The following DDHD1 variants were observed in gnomAD, a reference collection of about 807,000 sequenced individuals.
DDHD1 encodes the protein phospholipase DDHD1.
Under a neutral mutation model 96.4 loss-of-function variants are expected in DDHD1, and 49 were observed. The ratio of observed to expected loss-of-function variants is 0.51; its 90% confidence interval spans 0.40 to 0.64. The LOEUF is 0.64. Among genes scored for constraint, DDHD1 ranks in the 30% least tolerant of loss-of-function variants. The pLI is 0.00. For synonymous variants in DDHD1, 442 were observed against 446.5 expected, an observed-to-expected ratio of 0.99 and a Z score of 0.13; for missense variants, 1,106 against 1,161.2, an observed-to-expected ratio of 0.95 and a Z score of 0.69.
chr14:53,071,703 T>G (rs1277958108), intron 6 of DDHD1, among the ~76,000 whole-genome samples: 2 of 152,114 alleles, frequency 1.3e-5, no homozygotes, highest in African/African-American at 4.8e-5. Context: ...TCCCTGCTAA[T>G]GAAGGGTAAC....
At position 53,073,853 on chromosome 14, in the gene DDHD1, AAAAC is replaced by A. The variant is rs1293015219; in HGVS notation, c.1290-10_1290-7del. On this transcript the variant is annotated splice_region_variant and splice_polypyrimidine_tract_variant and intron_variant, in intron 4 of 12. Transcript: ENST00000673822. ...TTCTTGCAGCTTCTCTCATCCTAAA[AAAAC>A]AAACAAACAAAAATGCAAACAAAGC... 1.4e-5 allele frequency: 23 copies of A among 1,606,212 alleles called. No homozygotes were observed. The highest frequency in any genetic ancestry group is 4.0e-5 in the African/African-American group (3 of 74,498).
Position 53,036,889 on chromosome 14 carries a change from G to A in DDHD1, c.*9879C>T, listed in dbSNP as rs559709589. Reference sequence around the variant, plus strand: ...ACAGATCCCATCACCCAGGTAGTGAGCATAGTACCCAATAGGTAGTTTTTC... The same window carrying A: ...ACAGATCCCATCACCCAGGTAGTGAACATAGTACCCAATAGGTAGTTTTTC... On this transcript the variant is annotated 3_prime_UTR_variant, in exon 13 of 13. Transcript: ENST00000673822. The A allele has an allele frequency of 6.6e-6, 1 of 152,250 alleles. No individual in the cohort carries two copies. The highest frequency in any genetic ancestry group is 1.5e-5 in the Non-Finnish European group (1 of 68,024). 9.4% of individuals were successfully genotyped at this position (152,250 alleles called of 1,614,324 possible). A position where few individuals can be genotyped will look rare whatever the true frequency, so the allele number is the denominator to read the frequency against.
rs1234677237 is a variant in DDHD1, at chr14:53,089,029, AG to A, written c.1289+2755del. ...ACAAGCATTCTTATAAACCAATAAC[AG>A]ACAGAGACAAATCATGAGTGAACTC... On this transcript the variant is annotated intron_variant, in intron 4 of 12. Coordinates refer to ENST00000673822, the MANE Select transcript of DDHD1 (RefSeq NM_001160148.2). 2.6e-5 allele frequency among the ~76,000 whole-genome samples: 4 copies of A among 152,308 alleles called. No individual in the cohort carries two copies. In the East Asian group the frequency reaches 7.7e-4, roughly 29 times the overall value.
chr14:53,064,107 G>A (rs1398695780), intron 6 of DDHD1, among the ~76,000 whole-genome samples: 1 of 151,972 alleles, frequency 6.6e-6, no homozygotes, highest in African/African-American at 2.4e-5. Context: ...ATAGTTTCAG[G>A]AATATGCAGT....
chr14:53,152,112 C>CGAGAA, intron 1 of DDHD1, 149 bp downstream of exon 1: 10 of 835,492 alleles, frequency 1.2e-5, no homozygotes, highest in Admixed American at 6.3e-5. Context: ...CAGCTGCCGA[C>CGAGAA]GCTCCCTGCT....
Position 53,046,852 on chromosome 14 carries a change from G to C in DDHD1, c.2619C>G (p.Ser873=). The stretch of plus-strand genomic sequence containing the variant: ...TTAAAAGAAAAAGGGCAACATCCAA[G>C]GATGACCAATAGGCAGTATGCGACG... ...AVTSHTAYWS[S]LDVALFLLTF... is the part of the protein sequence containing the mutation. Residue 873 remains serine, a synonymous_variant, in exon 13 of 13, where the codon TCC becomes TCG. Transcript: ENST00000673822. 6.8e-6 allele frequency: 11 copies of C among 1,613,606 alleles called. No individual in the cohort carries two copies. The highest frequency in any genetic ancestry group is 9.3e-6 in the Non-Finnish European group (11 of 1,179,750).
At chr14:53,143,331 C>T (rs1890764945) in intron 1 of DDHD1, among the ~76,000 whole-genome samples, 1 of 152,182 alleles carries the variant, frequency 6.6e-6, no homozygotes, top group Admixed American at 6.5e-5. Context: ...AAAACAAATG[C>T]TGTAAACCAT....
intron 1 of DDHD1, among the ~76,000 whole-genome samples, chr14:53,125,567 T>G (rs1889364085): frequency 6.6e-6 from 1 of 152,240 alleles, no homozygotes; most frequent in South Asian, 2.1e-4. Flanking sequence ...TAGTTGAAAC[T>G]TTTAATATCA....
rs1366217310 is a variant in DDHD1 at position 53,041,171 on chromosome 14, A to G, written c.*5597T>C. The G allele has an allele frequency of 6.6e-6, 1 of 152,182 alleles. No individual in the cohort carries two copies. Among genetic ancestry groups the G allele is most frequent in the Non-Finnish European group, 1.5e-5 (1 of 68,040 alleles). 9.4% of individuals were successfully genotyped at this position (152,182 alleles called of 1,614,324 possible). A position where few individuals can be genotyped will look rare whatever the true frequency, so the allele number is the denominator to read the frequency against. ...TACTTGTTTTTCATCTTACTCCAACAGAAGACCAGATGTAATCTTCCTAAA... is the reference window on the plus strand; with the variant it reads ...TACTTGTTTTTCATCTTACTCCAACGGAAGACCAGATGTAATCTTCCTAAA... On this transcript the variant is annotated 3_prime_UTR_variant, in exon 13 of 13. Coordinates refer to ENST00000673822, the MANE Select transcript of DDHD1 (RefSeq NM_001160148.2).
intron 12 of DDHD1, 87 bp downstream of exon 12, chr14:53,051,757 A>AACTGATC (rs1882591053): frequency 3.7e-6 from 4 of 1,068,404 alleles, no homozygotes; most frequent in African/African-American, 1.6e-5. Context: ...CTCATAGAAG[A>AACTGATC]ACTGATCCAA....
In DDHD1 at chr14:53,079,012, T is replaced by C. The variant is rs562785336; in HGVS notation, c.1290-5165A>G. 1.9e-4 allele frequency among the ~76,000 whole-genome samples: 29 copies of C among 149,962 alleles called. No homozygotes were observed. In the East Asian group the frequency reaches 5.3e-3, roughly 27 times the overall value. On this transcript the variant is annotated intron_variant, in intron 4 of 12. Transcript: ENST00000673822. ...TACACATGTGGTGGATTACCTTGATTAAAAAAAAAATGTTGACCCAATCTT... is the reference window on the plus strand; with the variant it reads ...TACACATGTGGTGGATTACCTTGATCAAAAAAAAAATGTTGACCCAATCTT...
At chr14:53,073,159 T>C (rs1490985639) in intron 5 of DDHD1, among the ~76,000 whole-genome samples, 1 of 152,062 alleles carries the variant, frequency 6.6e-6, no homozygotes, top group Non-Finnish European at 1.5e-5. Context: ...TTAACAGACA[T>C]AACTTTGTGT....
rs545697453 is a variant in DDHD1, at chr14:53,046,145, G to A, written c.*623C>T. On this transcript the variant is annotated 3_prime_UTR_variant, in exon 13 of 13. Transcript: ENST00000673822. ...GTTTATCACTATAGAAAATAAATCT[G>A]GTTCTTAAATTATGTTCAAAGCAAA... The A allele has an allele frequency of 2.0e-5, 3 of 152,184 alleles. No homozygotes were observed. Among genetic ancestry groups the A allele is most frequent in the African/African-American group, 7.2e-5 (3 of 41,536 alleles). 9.4% of individuals were successfully genotyped at this position (152,184 alleles called of 1,614,324 possible). A position where few individuals can be genotyped will look rare whatever the true frequency, so the allele number is the denominator to read the frequency against.
At chr14:53,108,239 G>A (rs1022197692) in intron 1 of DDHD1, among the ~76,000 whole-genome samples, 4 of 152,170 alleles carry the variant, frequency 2.6e-5, no homozygotes, top group African/African-American at 9.7e-5. Flanking sequence ...TGCTCTTCCC[G>A]ACTGGGCTAA....
In DDHD1 at chr14:53,056,239, A is replaced by C. The variant is rs17126082; in HGVS notation, c.1993-327T>G. Among the ~76,000 whole-genome samples the C allele has an allele frequency of 0.071, 10,793 of 152,188 alleles. 982 individuals carry two copies. Among genetic ancestry groups the C allele is most frequent in the African/African-American group, 0.21 (8,793 of 41,462 alleles). ...TGAAGTAGTAGATGGTAATCCTGGG[A>C]AACAGCAAATAAGGCCAATTTTTAA... On this transcript the variant is annotated intron_variant, in intron 9 of 12. Coordinates refer to ENST00000673822, the MANE Select transcript of DDHD1 (RefSeq NM_001160148.2).
At chr14:53,139,447 G>A (rs1382507056) in intron 1 of DDHD1, among the ~76,000 whole-genome samples, 1 of 152,122 alleles carries the variant, frequency 6.6e-6, no homozygotes, top group Admixed American at 6.6e-5. Flanking sequence ...CCCTCTACTC[G>A]AAATGCAAGG....
chr14:53,065,057 C>T (rs1883906260), intron 6 of DDHD1, among the ~76,000 whole-genome samples: 1 of 152,152 alleles, frequency 6.6e-6, no homozygotes, highest in South Asian at 2.1e-4. Context: ...ACTTTATTAT[C>T]TATTAGGTCT....
In DDHD1 at chr14:53,054,429, T is replaced by C; in HGVS notation, c.2437+9A>G. ...AGTATCAACTTAAGGAAATAATGTA[T>C]GAACTAACATGCAGAATCGAGGAAG... On this transcript the variant is annotated intron_variant, in intron 11 of 12. Transcript: ENST00000673822. The C allele has an allele frequency of 6.2e-7, 1 of 1,611,524 alleles. No individual in the cohort carries two copies. The highest frequency in any genetic ancestry group is 1.7e-5 in the Admixed American group (1 of 59,950).
intron 11 of DDHD1, 135 bp from the exon 12 acceptor site, chr14:53,052,062 C>T: frequency 1.6e-6 from 1 of 618,782 alleles, no homozygotes; most frequent in South Asian, 2.2e-5. Flanking sequence ...AAGTAGTACA[C>T]ATCTTAATTT....
Sources: allele counts gnomAD v4.1 joint callset (sites outside exome capture counted in the v4.1 genomes callset), GRCh38; gene constraint gnomAD v4.1.1; transcripts MANE v1.5; gene names NCBI Gene and HGNC (gene_info 2026-07-23, HGNC 2026-07-21).